CLTC: variants seen among roughly 807,000 people sequenced by gnomAD.
The protein encoded by CLTC is clathrin heavy chain.
Under a neutral mutation model 195.8 loss-of-function variants are expected in CLTC, and 16 were observed. The observed-to-expected ratio is 0.08, with a 90% CI of 0.06 to 0.12. The LOEUF (loss-of-function observed/expected upper bound fraction) is 0.12, where lower values mean the gene tolerates loss of function less well. Ranked by LOEUF, CLTC falls within the 10% of genes least tolerant of loss-of-function variation. The probability of loss-of-function intolerance (pLI) is 1.00; values close to 1 mark genes in which losing one functional copy is unlikely to be tolerated. For synonymous variants in CLTC, 667 were observed against 689.4 expected (o/e 0.97, Z 0.51); for missense variants, 796 against 2,027.0 (o/e 0.39, Z 11.66).
chr17:59,689,041 C>CATATGTACATATACTACATAAGTACAT (rs2033242710), intron 30 of CLTC: 3 of 152,120 alleles, frequency 2.0e-5, no homozygotes, highest in Admixed American at 2.0e-4. Flanking sequence ...ATGGACATTT[C>CATATGTACATATACTACATAAGTACAT]ATATGGTACT....
chr17:59,634,770 G>A (rs1048079667), intron 1 of CLTC, among the ~76,000 whole-genome samples: 6 of 152,170 alleles, frequency 3.9e-5, no homozygotes, highest in Non-Finnish European at 8.8e-5. Flanking sequence ...ACAGTGGTTG[G>A]TATCCTGTTG....
intron 1 of CLTC, among the ~76,000 whole-genome samples, chr17:59,633,964 A>G (rs2031794077): frequency 6.6e-6 from 1 of 152,224 alleles, no homozygotes; most frequent in South Asian, 2.1e-4. Context: ...GCTGAAGTGC[A>G]GGGGTGCAGT....
intron 1 of CLTC, among the ~76,000 whole-genome samples, chr17:59,631,542 A>G (rs1017671745): frequency 3.9e-5 from 6 of 152,250 alleles, no homozygotes; most frequent in Admixed American, 6.5e-5. Context: ...AGAAAGACCT[A>G]TGGAGATAAT....
intron 1 of CLTC, among the ~76,000 whole-genome samples, chr17:59,622,524 T>C (rs6503931): frequency 0.044 from 6,662 of 152,140 alleles, 406 homozygotes; most frequent in African/African-American, 0.14. Flanking sequence ...ACTACAGCCA[T>C]GAGCCACCAC....
intron 5 of CLTC, among the ~76,000 whole-genome samples, chr17:59,651,587 A>G (rs916191616): frequency 6.6e-6 from 1 of 152,244 alleles, no homozygotes; most frequent in Non-Finnish European, 1.5e-5. Context: ...GTGCAGATCA[A>G]AGTTACACTT....
chr17:59,653,523 C>T (rs1031793844), intron 5 of CLTC, among the ~76,000 whole-genome samples: 2 of 151,038 alleles, frequency 1.3e-5, no homozygotes, highest in African/African-American at 2.4e-5. Flanking sequence ...CTCTCCCTCT[C>T]CTCCTCTCTC....
At chr17:59,673,115 G>A in intron 14 of CLTC, among the ~76,000 whole-genome samples, 1 of 151,752 alleles carries the variant, frequency 6.6e-6, no homozygotes. Flanking sequence ...TTTTTTGTAG[G>A]GGGTGGGTTT....
At position 59,673,605 on chromosome 17, in the gene CLTC, T is replaced by C. The variant is rs544838544; in HGVS notation, c.2293-42T>C. 7.7e-5 allele frequency: 117 copies of C among 1,514,426 alleles called. No individual in the cohort carries two copies. In the South Asian group the frequency reaches 1.3e-3, roughly 16 times the overall value. The allele number at this position is 1,514,426 out of a possible 1,614,324, so 93.8% of individuals were successfully genotyped here. On this transcript the variant is annotated intron_variant, in intron 14 of 31. Coordinates refer to ENST00000269122, the MANE Select transcript of CLTC (RefSeq NM_004859.4). ...TATGTTACACAGATTTGATACCTCA[T>C]AGAAGAAATTTAAAGTTTCCTTTTG... is the stretch of plus-strand genomic sequence containing the variant.
chr17:59,673,887 G>T, intron 15 of CLTC, 115 bp downstream of exon 15: 2 of 621,926 alleles, frequency 3.2e-6, no homozygotes, highest in African/African-American at 1.9e-5. Context: ...AGCTTTTAAC[G>T]TGGGATTTTT....
intron 28 of CLTC, 31 bp downstream of exon 28, chr17:59,684,016 C>T: frequency 1.5e-6 from 2 of 1,336,416 alleles, no homozygotes; most frequent in Non-Finnish European, 2.1e-6. Flanking sequence ...CACATAATCT[C>T]AAGACTCATA....
In CLTC at chr17:59,696,810, G is replaced by T. The variant is rs1160461469; in HGVS notation, c.*2958G>T. On this transcript the variant is annotated 3_prime_UTR_variant, in exon 32 of 32. Transcript: ENST00000269122. ...GGTCCATAAGGTTACTCAAGTTTCA[G>T]TGGCTTCATTGTTACAAGAAAGGGG... 2 of 203,816 alleles carry T rather than the reference G, an allele frequency of 9.8e-6. No individual in the cohort carries two copies. The allele number at this position is 203,816 out of a possible 1,614,324, so 12.6% of individuals were successfully genotyped here.
In CLTC at chr17:59,674,815, C is replaced by G; in HGVS notation, c.2533C>G (p.Leu845Val). 1 of 1,613,102 alleles carries G rather than the reference C, an allele frequency of 6.2e-7. No individual in the cohort carries two copies. Among genetic ancestry groups the G allele is most frequent in the Non-Finnish European group, 8.5e-7 (1 of 1,179,560 alleles). ...AAGAGGTCAATTCTCTACTGATGAGCTTGTTGCTGAGGTTGAAAAAAGAAA... is the reference window on the plus strand; with the variant it reads ...AAGAGGTCAATTCTCTACTGATGAGGTTGTTGCTGAGGTTGAAAAAAGAAA... Reference protein sequence around the residue: ...VVRGQFSTDELVAEVEKRNRL... With the variant: ...VVRGQFSTDEVVAEVEKRNRL... Residue 845 changes from leucine to valine, a missense_variant, in exon 16 of 32, where the codon CTT (leucine) becomes GTT (valine). This residue lies in a region of CLTC where 160 missense variants were observed against 448.2 expected (regional missense o/e 0.36). Coordinates refer to ENST00000269122, the MANE Select transcript of CLTC (RefSeq NM_004859.4).
At chr17:59,692,133 A>G (rs1439235310) in intron 31 of CLTC, among the ~76,000 whole-genome samples, 1 of 152,198 alleles carries the variant, frequency 6.6e-6, no homozygotes. Context: ...CCTGGCCAAC[A>G]TGGTGAAACC....
intron 2 of CLTC, chr17:59,645,875 T>A (rs1186115035): frequency 1.3e-5 from 2 of 159,964 alleles, no homozygotes; most frequent in Non-Finnish European, 2.7e-5. Context: ...TTCAGACTCT[T>A]TAAAGAATTT....
chr17:59,631,555 G>A (rs1244303061), intron 1 of CLTC, among the ~76,000 whole-genome samples: 2 of 152,220 alleles, frequency 1.3e-5, no homozygotes, highest in Non-Finnish European at 2.9e-5. Flanking sequence ...GAGATAATGG[G>A]ATGTAATAAC....
intron 1 of CLTC, among the ~76,000 whole-genome samples, chr17:59,634,101 G>T (rs1567931141): frequency 1.3e-5 from 2 of 152,220 alleles, no homozygotes; most frequent in Non-Finnish European, 1.5e-5. Context: ...TAGGGACAGG[G>T]TCTCGCCATG....
chr17:59,654,819 T>C (rs1255629253), intron 5 of CLTC, among the ~76,000 whole-genome samples: 1 of 152,252 alleles, frequency 6.6e-6, no homozygotes, highest in Non-Finnish European at 1.5e-5. Flanking sequence ...CTCATTTAGA[T>C]AGTTACATAA....
chr17:59,654,862 G>T (rs2032426392), intron 5 of CLTC, among the ~76,000 whole-genome samples: 1 of 152,164 alleles, frequency 6.6e-6, no homozygotes, highest in South Asian at 2.1e-4. Context: ...TTTCTCTTTG[G>T]CCTGCAAAAC....
chr17:59,670,107 T>G (rs2032813496), intron 14 of CLTC, among the ~76,000 whole-genome samples: 1 of 152,196 alleles, frequency 6.6e-6, no homozygotes, highest in South Asian at 2.1e-4. Context: ...ACCAAAACTT[T>G]CTGGTGTCAA....
Sources: gnomAD v4.1 joint callset for allele counts (sites outside exome capture counted in the v4.1 genomes callset) on GRCh38, gnomAD v4.1.1 for gene constraint, gnomAD v4.1.1 regional missense constraint, MANE v1.5 for transcripts, NCBI Gene and HGNC (gene_info 2026-07-23, HGNC 2026-07-21) for gene names.